TMEM45B: variants seen among roughly 807,000 people sequenced by gnomAD.
TMEM45B encodes transmembrane protein 45B.
Under a neutral mutation model 27.3 loss-of-function variants are expected in TMEM45B, and 29 were observed. The observed-to-expected ratio is 1.06, with a 90% CI of 0.79 to 1.45. The LOEUF is 1.45. Among genes scored for constraint, TMEM45B ranks in the 40% most tolerant of loss-of-function variants. The pLI is 0.00. For missense variants in TMEM45B, 348 were observed against 343.9 expected, an observed-to-expected ratio of 1.01 and a Z score of -0.09; for synonymous variants, 143 against 134.7, an observed-to-expected ratio of 1.06 and a Z score of -0.43.
At chr11:129,857,007 C>T (rs191233761) in intron 4 of TMEM45B, among the ~76,000 whole-genome samples, 42 of 152,142 alleles carry the variant, frequency 2.8e-4, no homozygotes, top group Admixed American at 8.5e-4. Context: ...TGCCCACCAC[C>T]ATGCCCAGCT....
At chr11:129,815,976 G>T in intron 1 of TMEM45B, 78 bp downstream of exon 1, 5 of 1,256,714 alleles carry the variant, frequency 4.0e-6, no homozygotes, top group Non-Finnish European at 4.0e-6. Flanking sequence ...AAGGAGCGGG[G>T]CTGTGATGGA....
chr11:129,858,702 C>T lies in TMEM45B; in HGVS notation c.*17C>T, dbSNP rs760401677. ...GAGGAATGAGCCGAGATGCGGAGGGCGCAGATGTCCCACTGCACAGCTGGA... is the reference window on the plus strand; with the variant it reads ...GAGGAATGAGCCGAGATGCGGAGGGTGCAGATGTCCCACTGCACAGCTGGA... On this transcript the variant is annotated 3_prime_UTR_variant, in exon 6 of 6. Coordinates refer to ENST00000281441, the MANE Select transcript of TMEM45B (RefSeq NM_138788.5). The T allele has an allele frequency of 1.8e-5, 27 of 1,516,962 alleles. No homozygotes were observed. Among genetic ancestry groups the T allele is most frequent in the South Asian group, 4.8e-5 (4 of 83,226 alleles). The allele number at this position is 1,516,962 out of a possible 1,614,324, so 94.0% of individuals were successfully genotyped here.
chr11:129,852,369 G>A (rs1947859295), intron 1 of TMEM45B, 106 bp from the exon 2 acceptor site: 4 of 967,632 alleles, frequency 4.1e-6, no homozygotes, highest in Non-Finnish European at 4.6e-6. Context: ...CCTTCTTAAC[G>A]TGGCTTATGA....
intron 1 of TMEM45B, among the ~76,000 whole-genome samples, chr11:129,840,946 T>TAAAA (rs55905045): frequency 5.1e-4 from 15 of 29,240 alleles, no homozygotes; most frequent in Admixed American, 8.5e-4. Flanking sequence ...TTTCTTTCTG[T>TAAAA]AAAAAAAAAA....
chr11:129,836,892 G>A (rs562538717), intron 1 of TMEM45B, among the ~76,000 whole-genome samples: 4 of 152,240 alleles, frequency 2.6e-5, no homozygotes, highest in Admixed American at 6.5e-5. Flanking sequence ...GGGAAACATC[G>A]TGCCAACAGA....
chr11:129,843,823 G>A (rs1947726022), intron 1 of TMEM45B, among the ~76,000 whole-genome samples: 1 of 152,168 alleles, frequency 6.6e-6, no homozygotes, highest in Non-Finnish European at 1.5e-5. Flanking sequence ...GTGGATAAAG[G>A]GAACCTTTAC....
In TMEM45B at chr11:129,859,266, T is replaced by G. The variant is rs888356485; in HGVS notation, c.*581T>G. 13 of 152,210 alleles carry G rather than the reference T, an allele frequency of 8.5e-5. No individual in the cohort carries two copies. The highest frequency in any genetic ancestry group is 8.8e-5 in the Non-Finnish European group (6 of 68,018). 9.4% of individuals were successfully genotyped at this position (152,210 alleles called of 1,614,324 possible). ...TCATACCAGGGTACTGCAATACCACTGTTTATAAGTGACAAAATTAGGCCA... is the reference window on the plus strand; with the variant it reads ...TCATACCAGGGTACTGCAATACCACGGTTTATAAGTGACAAAATTAGGCCA... On this transcript the variant is annotated 3_prime_UTR_variant, in exon 6 of 6. Coordinates refer to ENST00000281441, the MANE Select transcript of TMEM45B (RefSeq NM_138788.5).
Position 129,840,892 on chromosome 11 carries a change from G to A in TMEM45B, c.-8-11583G>A, listed in dbSNP as rs187812168. 6.7e-5 allele frequency among the ~76,000 whole-genome samples: 9 copies of A among 133,830 alleles called. No homozygotes were observed. The South Asian group carries it at 7.5e-4, about 11-fold the overall frequency. The allele number at this position is 133,830 out of a possible 152,430, so 87.8% of individuals were successfully genotyped here. ...AAACTCCATCTCAAAAAATAATAAC[G>A]AGGAGAAGGCCTTCCAGTTATGGCA... On this transcript the variant is annotated intron_variant, in intron 1 of 5. Transcript: ENST00000281441.
intron 1 of TMEM45B, among the ~76,000 whole-genome samples, chr11:129,849,440 T>G (rs1032537414): frequency 2.0e-5 from 3 of 152,208 alleles, no homozygotes; most frequent in African/African-American, 7.2e-5. Context: ...GGGTGGGTGT[T>G]GGGCCCCCAA....
chr11:129,852,971 A>T (rs899612938), intron 2 of TMEM45B: 1 of 225,758 alleles, frequency 4.4e-6, no homozygotes, highest in Non-Finnish European at 8.6e-6. Flanking sequence ...AGAGAAAAAA[A>T]CAAAATAGAT....
At chr11:129,840,634 G>A (rs946536231) in intron 1 of TMEM45B, among the ~76,000 whole-genome samples, 2 of 152,138 alleles carry the variant, frequency 1.3e-5, no homozygotes, top group African/African-American at 2.4e-5. Context: ...TGTAATCCCA[G>A]CATTTTGGGA....
At chr11:129,816,534 T>C (rs958806048) in intron 1 of TMEM45B, among the ~76,000 whole-genome samples, 3 of 152,138 alleles carry the variant, frequency 2.0e-5, no homozygotes, top group Admixed American at 6.6e-5. Flanking sequence ...TGGAAGCGGA[T>C]GTCAGGCGCA....
At position 129,825,979 on chromosome 11, in the gene TMEM45B, GTTTTTTTTGGTT is replaced by G. The variant is rs368633972; in HGVS notation, c.-9+10090_-9+10101del. 4.7e-3 allele frequency among the ~76,000 whole-genome samples: 707 copies of G among 149,022 alleles called. 3 individuals carry two copies. Among genetic ancestry groups the G allele is most frequent in the African/African-American group, 0.017 (670 of 40,560 alleles). On this transcript the variant is annotated intron_variant, in intron 1 of 5. Coordinates refer to ENST00000281441, the MANE Select transcript of TMEM45B (RefSeq NM_138788.5). ...TGTTAATTACAGAAATATATGTAAG[GTTTTTTTTGGTT>G]TTTTTTTTTGGTTGTTTGAAAACTA...
intron 1 of TMEM45B, among the ~76,000 whole-genome samples, chr11:129,827,746 G>A (rs1481519629): frequency 6.6e-6 from 1 of 152,132 alleles, no homozygotes; most frequent in African/African-American, 2.4e-5. Context: ...AGGTTGCCAT[G>A]AGCTGAGACT....
At chr11:129,834,675 G>GTGGCATGCACC (rs199705249) in intron 1 of TMEM45B, among the ~76,000 whole-genome samples, 1,879 of 152,136 alleles carry the variant, frequency 0.012, 32 homozygotes, top group African/African-American at 0.043. Flanking sequence ...GCCAGGTGTG[G>GTGGCATGCACC]TGGCATGCAC....
intron 1 of TMEM45B, among the ~76,000 whole-genome samples, chr11:129,842,591 CA>C (rs199962418): frequency 6.7e-6 from 1 of 148,372 alleles, no homozygotes. Context: ...TATCCACATG[CA>C]AAAAAAAATA....
In TMEM45B at chr11:129,847,921, TGGTG is replaced by T. The variant is rs1947786492; in HGVS notation, c.-8-4552_-8-4549del. ...TGGGTACACCTCCCAGATGGGGTGG[TGGTG>T]GCCGGGCAGAGGGGCTCCTCACTTC... is the stretch of plus-strand genomic sequence containing the variant. On this transcript the variant is annotated intron_variant, in intron 1 of 5. Coordinates refer to ENST00000281441, the MANE Select transcript of TMEM45B (RefSeq NM_138788.5). Among the ~76,000 whole-genome samples, 4 of 126,528 alleles carry T rather than the reference TGGTG, an allele frequency of 3.2e-5. No homozygotes were observed. The South Asian group carries it at 1.1e-3, about 34-fold the overall frequency. 83.0% of individuals were successfully genotyped at this position (126,528 alleles called of 152,430 possible).
chr11:129,820,204 A>C (rs1194160093), intron 1 of TMEM45B, among the ~76,000 whole-genome samples: 1 of 152,096 alleles, frequency 6.6e-6, no homozygotes, highest in African/African-American at 2.4e-5. Context: ...AGTCCCAGCT[A>C]CTCAGGAGGC....
intron 1 of TMEM45B, among the ~76,000 whole-genome samples, chr11:129,821,172 T>C (rs528613236): frequency 1.3e-5 from 2 of 152,310 alleles, no homozygotes; most frequent in East Asian, 3.9e-4. Context: ...CCCCCTGGAA[T>C]GGGGTGTAGG....
Sources: gnomAD v4.1 joint callset for allele counts (sites outside exome capture counted in the v4.1 genomes callset) on GRCh38, gnomAD v4.1.1 for gene constraint, MANE v1.5 for transcripts, NCBI Gene and HGNC (gene_info 2026-07-23, HGNC 2026-07-21) for gene names.